MAB21L4: variants seen among roughly 807,000 people sequenced by gnomAD.
MAB21L4 encodes protein mab-21-like 4.
MAB21L4 carries 25 observed loss-of-function variants against 32.4 expected under a neutral mutation model. That is an observed-to-expected ratio of 0.77 (90% CI 0.56 to 1.08). MAB21L4 has a LOEUF of 1.08. Among genes scored for constraint, MAB21L4 ranks in the 50% least tolerant of loss-of-function variants. The probability of loss-of-function intolerance (pLI) is 0.00; values close to 1 mark genes in which losing one functional copy is unlikely to be tolerated. For missense variants in MAB21L4, 638 were observed against 611.0 expected, an observed-to-expected ratio of 1.04 and a Z score of -0.47; for synonymous variants, 280 against 276.8, an observed-to-expected ratio of 1.01 and a Z score of -0.11.
rs2059097786 is a variant in MAB21L4 at position 240,886,663 on chromosome 2, C to T, written c.*407G>A. 6.1e-6 allele frequency: 1 copy of T among 162,718 alleles called. No individual in the cohort carries two copies. The highest frequency in any genetic ancestry group is 2.4e-5 in the African/African-American group (1 of 41,882). 10.1% of individuals were successfully genotyped at this position (162,718 alleles called of 1,614,324 possible). On this transcript the variant is annotated 3_prime_UTR_variant, in exon 5 of 5. Coordinates refer to ENST00000388934, the MANE Select transcript of MAB21L4 (RefSeq NM_001085437.3). ...CTGATATACAAAAAGTGGACAGTAC[C>T]CTTTCTGCTGTGTATACCCAGCACA...
Position 240,889,407 on chromosome 2 carries a change from A to G in MAB21L4, c.894+598T>C, listed in dbSNP as rs143966439. ...TCTGTGGAGCAGCGCCCGGCTGGCC[A>G]CACACTCCAGGAAGGGGCCAGCCGA... On this transcript the variant is annotated intron_variant, in intron 3 of 4. Coordinates refer to ENST00000388934, the MANE Select transcript of MAB21L4 (RefSeq NM_001085437.3). 3.9e-5 allele frequency among the ~76,000 whole-genome samples: 6 copies of G among 152,176 alleles called. No individual in the cohort carries two copies. In the East Asian group the frequency reaches 1.2e-3, roughly 30 times the overall value.
At position 240,895,260 on chromosome 2, in the gene MAB21L4, G is replaced by A. The variant is rs540820418; in HGVS notation, c.514+224C>T. Among the ~76,000 whole-genome samples, 5 of 152,352 alleles carry A rather than the reference G, an allele frequency of 3.3e-5. No homozygotes were observed. In the South Asian group the frequency reaches 6.2e-4, roughly 19 times the overall value. ...GCATTTGGAGCTGGAAGACCTAAGT[G>A]AGGTCTCCCGACTTCTGTGCCCCAA... On this transcript the variant is annotated intron_variant, in intron 1 of 4. Transcript: ENST00000388934.
chr2:240,895,235 G>A (rs371446666), intron 1 of MAB21L4, among the ~76,000 whole-genome samples: 2 of 152,222 alleles, frequency 1.3e-5, no homozygotes, highest in East Asian at 1.9e-4. Flanking sequence ...CTTGTTACAG[G>A]CATTTGGAGC....
At chr2:240,889,239 C>T (rs1297139151) in intron 3 of MAB21L4, among the ~76,000 whole-genome samples, 1 of 152,222 alleles carries the variant, frequency 6.6e-6, no homozygotes, top group East Asian at 1.9e-4. Flanking sequence ...TGGGAACCAC[C>T]ATGCATCCAA....
At chr2:240,889,258 G>A (rs1448923542) in intron 3 of MAB21L4, among the ~76,000 whole-genome samples, 1 of 152,208 alleles carries the variant, frequency 6.6e-6, no homozygotes, top group Non-Finnish European at 1.5e-5. Context: ...AACCTCAAGG[G>A]GGGCTGGAAG....
intron 1 of MAB21L4, among the ~76,000 whole-genome samples, chr2:240,894,591 A>G (rs10933513): frequency 0.73 from 110,752 of 152,190 alleles, 41,000 homozygotes; most frequent in African/African-American, 0.85. Flanking sequence ...GATCATCTGA[A>G]GTCAGAAGTT....
At chr2:240,894,582 ATCATCT>A (rs2059174656) in intron 1 of MAB21L4, among the ~76,000 whole-genome samples, 1 of 152,202 alleles carries the variant, frequency 6.6e-6, no homozygotes, top group Admixed American at 6.5e-5. Context: ...AGGTGGGCGG[ATCATCT>A]GAAGTCAGAA....
chr2:240,888,697 C>T (rs1204588693), intron 3 of MAB21L4, 49 bp from the exon 4 acceptor site: 2 of 1,352,328 alleles, frequency 1.5e-6, no homozygotes, highest in Non-Finnish European at 2.0e-6. Flanking sequence ...CCCGGCCCAC[C>T]CTGTGCTCCC....
chr2:240,892,326 G>A (rs2059157362), intron 1 of MAB21L4, among the ~76,000 whole-genome samples: 1 of 151,844 alleles, frequency 6.6e-6, no homozygotes, highest in African/African-American at 2.4e-5. Context: ...TTCCTCCCCA[G>A]AACTCACCTC....
Position 240,890,071 on chromosome 2 carries a change from G to A in MAB21L4, c.828C>T (p.Asp276=), listed in dbSNP as rs377723939. The A allele has an allele frequency of 8.1e-6, 13 of 1,613,390 alleles. No homozygotes were observed. Among genetic ancestry groups the A allele is most frequent in the Non-Finnish European group, 1.1e-5 (13 of 1,179,754 alleles). The change falls in exon 3 of 5, where the codon GAC becomes GAT. Residue 276 remains aspartate, a synonymous_variant. Coordinates refer to ENST00000388934, the MANE Select transcript of MAB21L4 (RefSeq NM_001085437.3). ...CACGCCAGCTCTCGTGGTTGACCCG[G>A]TCGAGGATGGAGAGGCTGTCCAGGC... ...GHRLDSLSIL[D]RVNHESWRDS...
chr2:240,888,515 G>A lies in MAB21L4; in HGVS notation c.1028C>T (p.Pro343Leu), dbSNP rs75491576. 182 of 1,607,730 alleles carry A rather than the reference G, an allele frequency of 1.1e-4. No individual in the cohort carries two copies. In the East Asian group the frequency reaches 2.1e-3, roughly 19 times the overall value. ...ATRKLPHFLH[P>L]QRNLLQGSGL... is the part of the protein sequence containing the mutation. ...GCTGCCCTGCAGCAGGTTGCGCTGC[G>A]GGTGGAGGAAGTGGGGCAGCTTCCG... Residue 343 changes from proline to leucine, a missense_variant, in exon 4 of 5, where the codon CCG (proline) becomes CTG (leucine). By Grantham distance (98) the Pro-to-Leu change is moderately conservative. Coordinates refer to ENST00000388934, the MANE Select transcript of MAB21L4 (RefSeq NM_001085437.3).
chr2:240,887,069 C>T lies in MAB21L4; in HGVS notation c.*1G>A, dbSNP rs750352425. 3 of 1,613,594 alleles carry T rather than the reference C, an allele frequency of 1.9e-6. No individual in the cohort carries two copies. Among genetic ancestry groups the T allele is most frequent in the South Asian group, 1.1e-5 (1 of 91,070 alleles). On this transcript the variant is annotated 3_prime_UTR_variant, in exon 5 of 5. Transcript: ENST00000388934. ...AGGTGGCTGAGACCAGGTGGCCCAG[C>T]TCAGCTCTCCTCGCCTCCCAGAGTC...
intron 4 of MAB21L4, among the ~76,000 whole-genome samples, chr2:240,887,626 G>T (rs2059106872): frequency 6.6e-6 from 1 of 152,380 alleles, no homozygotes; most frequent in Middle Eastern, 3.4e-3. Context: ...CCAGCAGAGG[G>T]TGGCTACCCT....
At chr2:240,888,935 T>TG (rs1225836281) in intron 3 of MAB21L4, among the ~76,000 whole-genome samples, 2 of 151,890 alleles carry the variant, frequency 1.3e-5, no homozygotes, top group Non-Finnish European at 2.9e-5. Flanking sequence ...GGACCTCCCT[T>TG]GGGGGCCTCT....
intron 4 of MAB21L4, 106 bp from the exon 5 acceptor site, chr2:240,887,268 A>AGT: frequency 4.3e-6 from 4 of 919,604 alleles, no homozygotes; most frequent in Non-Finnish European, 6.9e-6. Flanking sequence ...TCCCTGGGCC[A>AGT]TGCCGGGCCT....
At chr2:240,887,290 G>C in intron 4 of MAB21L4, 128 bp from the exon 5 acceptor site, 1 of 726,286 alleles carries the variant, frequency 1.4e-6, no homozygotes, top group Non-Finnish European at 2.3e-6. Context: ...CCTGCCCCGG[G>C]TATCTGCCTG....
intron 4 of MAB21L4, 62 bp downstream of exon 4, chr2:240,888,230 G>A: frequency 5.3e-6 from 7 of 1,329,522 alleles, no homozygotes; most frequent in Non-Finnish European, 7.1e-6. Flanking sequence ...AGCCAGGCCA[G>A]GGCTCCATTC....
chr2:240,894,848 G>T (rs149232686), intron 1 of MAB21L4, among the ~76,000 whole-genome samples: 3 of 152,216 alleles, frequency 2.0e-5, no homozygotes, highest in Non-Finnish European at 4.4e-5. Flanking sequence ...CCAGCCCCTG[G>T]TCCACGCAGA....
intron 3 of MAB21L4, 107 bp downstream of exon 3, chr2:240,889,898 A>G (rs974307559): frequency 3.8e-6 from 5 of 1,309,752 alleles, no homozygotes; most frequent in Non-Finnish European, 5.2e-6. Flanking sequence ...CCGACTTGGG[A>G]CTCATAGCAG....
Sources: gnomAD v4.1 joint callset for allele counts (sites outside exome capture counted in the v4.1 genomes callset) on GRCh38, gnomAD v4.1.1 for gene constraint, MANE v1.5 for transcripts, NCBI Gene and HGNC (gene_info 2026-07-23, HGNC 2026-07-21) for gene names.